Variants in IMMP2L observed in about 807,000 individuals in gnomAD.
IMMP2L encodes the protein inner mitochondrial membrane peptidase subunit 2, also known as mitochondrial inner membrane protease subunit 2.
Under a neutral mutation model 19.3 loss-of-function variants are expected in IMMP2L, and 18 were observed. The ratio of observed to expected loss-of-function variants is 0.93; its 90% CI spans 0.64 to 1.38. IMMP2L has a LOEUF of 1.38. Ranked by LOEUF, IMMP2L falls within the 40% of genes most tolerant of loss-of-function variation. The pLI is 0.00. For missense variants in IMMP2L, 233 were observed against 218.2 expected, an observed-to-expected ratio of 1.07 and a Z score of -0.43; for synonymous variants, 76 against 73.0, an observed-to-expected ratio of 1.04 and a Z score of -0.21.
intron 5 of IMMP2L, among the ~76,000 whole-genome samples, chr7:110,829,687 C>A (rs998048692): frequency 2.6e-5 from 4 of 152,240 alleles, no homozygotes; most frequent in South Asian, 4.1e-4. Flanking sequence ...TAATGTTATA[C>A]TTTCCTTTTA....
rs1800066600 is a variant in IMMP2L, at chr7:111,117,770, T to C, written c.240-154205A>G. 2.0e-5 allele frequency among the ~76,000 whole-genome samples: 3 copies of C among 152,038 alleles called. No homozygotes were observed. The South Asian group carries it at 6.2e-4, about 31-fold the overall frequency. On this transcript the variant is annotated intron_variant, in intron 3 of 5. Coordinates refer to ENST00000405709, the MANE Select transcript of IMMP2L (RefSeq NM_032549.4). ...TATACAAATGAACTTAGCCAGCAAT[T>C]TGCTATAGAAGAAAAGGAAAAACTG...
intron 2 of IMMP2L, among the ~76,000 whole-genome samples, chr7:111,501,132 G>C (rs1252037508): frequency 2.0e-5 from 3 of 152,110 alleles, no homozygotes; most frequent in African/African-American, 4.8e-5. Context: ...CCTTAAAGGA[G>C]CTGATGGAGC....
chr7:111,189,973 T>A (rs1808694720), intron 3 of IMMP2L, among the ~76,000 whole-genome samples: 1 of 152,166 alleles, frequency 6.6e-6, no homozygotes, highest in African/African-American at 2.4e-5. Flanking sequence ...TTGGAGAAAG[T>A]CCCTGAAATA....
intron 5 of IMMP2L, among the ~76,000 whole-genome samples, chr7:110,859,352 T>C (rs1317069847): frequency 6.6e-6 from 1 of 151,886 alleles, no homozygotes; most frequent in African/African-American, 2.4e-5. Context: ...AATGAAAAAA[T>C]GTTAGGAATT....
chr7:110,999,131 G>C (rs1823356013), intron 3 of IMMP2L, among the ~76,000 whole-genome samples: 2 of 151,940 alleles, frequency 1.3e-5, no homozygotes, highest in Admixed American at 1.3e-4. Flanking sequence ...GTGATCCTTT[G>C]TTAAGGCATT....
intron 5 of IMMP2L, among the ~76,000 whole-genome samples, chr7:110,851,005 C>T (rs1806162331): frequency 6.6e-6 from 1 of 151,866 alleles, no homozygotes; most frequent in South Asian, 2.1e-4. Flanking sequence ...ACAAAAACCT[C>T]AAAGAAACTA....
chr7:110,881,408 T>G (rs1377420880), intron 5 of IMMP2L, among the ~76,000 whole-genome samples: 3 of 152,190 alleles, frequency 2.0e-5, no homozygotes, highest in Non-Finnish European at 4.4e-5. Flanking sequence ...AAGGTAAGGC[T>G]TTATGACTTA....
intron 3 of IMMP2L, among the ~76,000 whole-genome samples, chr7:111,265,891 T>G (rs1286944455): frequency 2.6e-5 from 4 of 152,152 alleles, no homozygotes; most frequent in Non-Finnish European, 4.4e-5. Context: ...TTGTAGGCAT[T>G]ACAGGATTAA....
chr7:110,727,696 A>G lies in IMMP2L; in HGVS notation c.409-63975T>C, dbSNP rs945830175. Among the ~76,000 whole-genome samples the G allele has an allele frequency of 6.6e-6, 1 of 152,220 alleles. No homozygotes were observed. The highest frequency in any genetic ancestry group is 3.2e-3 in the Middle Eastern group (1 of 316). ...TAGAATATTAAATATAACATGAGCT[A>G]GATATTTAAATTATTAAATTGAATC... is the stretch of plus-strand genomic sequence containing the variant. On this transcript the variant is annotated intron_variant, in intron 5 of 5. Coordinates refer to ENST00000405709, the MANE Select transcript of IMMP2L (RefSeq NM_032549.4). The surrounding 1 kb of genome is among the most constrained non-coding windows in gnomAD (Gnocchi z 4.3).
At chr7:111,427,093 C>G (rs1307705725) in intron 3 of IMMP2L, among the ~76,000 whole-genome samples, 1 of 150,918 alleles carries the variant, frequency 6.6e-6, no homozygotes, top group Admixed American at 6.6e-5. Context: ...CACTGATCAC[C>G]CAAGACTGGT....
intron 3 of IMMP2L, among the ~76,000 whole-genome samples, chr7:111,047,330 G>A (rs925101436): frequency 6.6e-6 from 1 of 151,988 alleles, no homozygotes; most frequent in South Asian, 2.1e-4. Flanking sequence ...TGGGATTACA[G>A]GCAGGCATCA....
At chr7:111,375,715 G>A (rs1830624454) in intron 3 of IMMP2L, among the ~76,000 whole-genome samples, 1 of 151,864 alleles carries the variant, frequency 6.6e-6, no homozygotes, top group African/African-American at 2.4e-5. Context: ...GTAGAGATGG[G>A]GATTCACCAT....
chr7:110,762,453 A>T (rs1396549718), intron 5 of IMMP2L, among the ~76,000 whole-genome samples: 1 of 152,092 alleles, frequency 6.6e-6, no homozygotes, highest in East Asian at 1.9e-4. Context: ...TGTATAACGA[A>T]CATGTTCATT....
intron 4 of IMMP2L, chr7:110,963,198 T>C (rs1819153040): frequency 3.7e-6 from 3 of 810,206 alleles, no homozygotes; most frequent in Non-Finnish European, 5.6e-6. Flanking sequence ...AATCTTAAAA[T>C]AGTCATGCTA....
intron 3 of IMMP2L, chr7:111,124,533 T>A (rs1801054924): frequency 5.0e-6 from 8 of 1,613,602 alleles, no homozygotes; most frequent in Non-Finnish European, 6.8e-6. Context: ...ATCCATCAAC[T>A]GAGTATAAAA....
At chr7:110,754,899 C>A (rs1002071701) in intron 5 of IMMP2L, among the ~76,000 whole-genome samples, 1 of 150,650 alleles carries the variant, frequency 6.6e-6, no homozygotes, top group Non-Finnish European at 1.5e-5. Flanking sequence ...GGTTACAGCA[C>A]GTTCTATTTT....
intron 5 of IMMP2L, among the ~76,000 whole-genome samples, chr7:110,865,212 T>C (rs892269113): frequency 1.3e-5 from 2 of 152,044 alleles, no homozygotes; most frequent in African/African-American, 4.8e-5. Context: ...GCTTATTCAT[T>C]CATTGTTGGG....
Position 111,123,637 on chromosome 7 carries a change from T to C in IMMP2L, c.240-160072A>G, listed in dbSNP as rs905937311. On this transcript the variant is annotated intron_variant, in intron 3 of 5. Coordinates refer to ENST00000405709, the MANE Select transcript of IMMP2L (RefSeq NM_032549.4). This position sits in a 1 kb window ranked among gnomAD's most constrained non-coding sequence, Gnocchi z 6.4. ...TAGCAATATGCTACACTTAAAAGAG[T>C]TGGGGATAAATAATATGCCTGAGCT... 3.1e-6 allele frequency: 5 copies of C among 1,613,342 alleles called. No homozygotes were observed. The highest frequency in any genetic ancestry group is 4.2e-6 in the Non-Finnish European group (5 of 1,179,848).
intron 3 of IMMP2L, among the ~76,000 whole-genome samples, chr7:111,055,195 G>A (rs991602516): frequency 6.6e-6 from 1 of 152,082 alleles, no homozygotes; most frequent in African/African-American, 2.4e-5. Context: ...AACTACAGGT[G>A]TGAGCCACCA....
Sources: gnomAD v4.1 joint callset for allele counts (sites outside exome capture counted in the v4.1 genomes callset) on GRCh38, gnomAD v4.1.1 for gene constraint, Gnocchi (gnomAD v3.1) non-coding constraint, MANE v1.5 for transcripts, NCBI Gene and HGNC (gene_info 2026-07-23, HGNC 2026-07-21) for gene names.